EDIL3: variants seen among roughly 807,000 people sequenced by gnomAD.
The protein encoded by EDIL3 is EGF-like repeat and discoidin I-like domain-containing protein 3.
A neutral mutation model predicts 67.4 loss-of-function variants in EDIL3; 37 were observed. That is an observed-to-expected ratio of 0.55 (90% CI 0.42 to 0.72). The LOEUF (loss-of-function observed/expected upper bound fraction) is 0.72, where lower values mean the gene tolerates loss of function less well. EDIL3 is among the 30% of genes least tolerant of loss of function. The pLI, the probability that EDIL3 is intolerant of heterozygous loss-of-function variation, is 0.00. For synonymous variants in EDIL3, 195 were observed against 196.3 expected, an observed-to-expected ratio of 0.99 and a Z score of 0.05; for missense variants, 527 against 586.3, an observed-to-expected ratio of 0.90 and a Z score of 1.04.
At chr5:83,977,714 TTTATA>T (rs1561391457) in intron 9 of EDIL3, among the ~76,000 whole-genome samples, 1 of 151,824 alleles carries the variant, frequency 6.6e-6, no homozygotes, top group Non-Finnish European at 1.5e-5. Context: ...CATAAAGATG[TTTATA>T]TTAAATTTTT....
chr5:83,946,464 C>T (rs935215122), intron 10 of EDIL3, among the ~76,000 whole-genome samples: 2 of 151,780 alleles, frequency 1.3e-5, no homozygotes, highest in African/African-American at 4.8e-5. Context: ...AAAAATACAA[C>T]TCCCTCAATG....
intron 9 of EDIL3, among the ~76,000 whole-genome samples, chr5:84,019,634 G>C (rs752475873): frequency 2.6e-5 from 4 of 152,218 alleles, no homozygotes; most frequent in African/African-American, 2.4e-5. Context: ...CTTTCAGCCT[G>C]AGGCTGCTCA....
chr5:84,352,088 A>C, intron 1 of EDIL3, among the ~76,000 whole-genome samples: 1 of 152,192 alleles, frequency 6.6e-6, no homozygotes, highest in African/African-American at 2.4e-5. Flanking sequence ...ATAATGATAT[A>C]ACATCTCACA....
chr5:84,100,144 C>T (rs1263041960), intron 6 of EDIL3, among the ~76,000 whole-genome samples: 2 of 152,098 alleles, frequency 1.3e-5, no homozygotes, highest in African/African-American at 2.4e-5. Context: ...TAAATTAGTT[C>T]AACCATTGTG....
chr5:84,050,622 G>A (rs1746317450), intron 9 of EDIL3, among the ~76,000 whole-genome samples: 1 of 152,304 alleles, frequency 6.6e-6, no homozygotes, highest in Non-Finnish European at 1.5e-5. Flanking sequence ...CCCTAATATT[G>A]TGCTTTTCCA....
chr5:83,979,363 G>A (rs2112146819), intron 9 of EDIL3, among the ~76,000 whole-genome samples: 1 of 152,186 alleles, frequency 6.6e-6, no homozygotes, highest in South Asian at 2.1e-4. Context: ...ATAATATTTA[G>A]TGACATTGAA....
intron 9 of EDIL3, among the ~76,000 whole-genome samples, chr5:83,966,622 C>T (rs1044515212): frequency 6.6e-6 from 1 of 152,020 alleles, no homozygotes; most frequent in Non-Finnish European, 1.5e-5. Context: ...GGATCTTGGA[C>T]ATGCTACTTT....
chr5:84,032,711 C>T (rs916170777), intron 9 of EDIL3, among the ~76,000 whole-genome samples: 22 of 152,244 alleles, frequency 1.4e-4, no homozygotes, highest in South Asian at 6.2e-4. Flanking sequence ...TGACCTTTGG[C>T]CACTGCTACT....
intron 6 of EDIL3, among the ~76,000 whole-genome samples, chr5:84,103,081 C>G (rs1747397225): frequency 6.6e-6 from 1 of 152,112 alleles, no homozygotes; most frequent in African/African-American, 2.4e-5. Context: ...CTACAACCAT[C>G]TGATCCTCCA....
At chr5:84,031,562 TGGTATCCATGCAA>T (rs1272160853) in intron 9 of EDIL3, among the ~76,000 whole-genome samples, 1 of 152,202 alleles carries the variant, frequency 6.6e-6, no homozygotes, top group African/African-American at 2.4e-5. Context: ...TGAATGGAAC[TGGTATCCATGCAA>T]GAAGAGACAC....
In EDIL3 at chr5:84,328,649, C is replaced by CA. The variant is rs553786626; in HGVS notation, c.67+55658dup. Among the ~76,000 whole-genome samples the CA allele has an allele frequency of 5.7e-3, 868 of 151,968 alleles. 5 individuals carry two copies. Among genetic ancestry groups the CA allele is most frequent in the Non-Finnish European group, 8.7e-3 (590 of 67,898 alleles). ...TCTTTACCATGCCTCTGCTTCAATG[C>CA]AAAAAATGGCAAATTTCTTCAGTTC... is the stretch of plus-strand genomic sequence containing the variant. On this transcript the variant is annotated intron_variant, in intron 1 of 10. Transcript: ENST00000296591.
intron 9 of EDIL3, among the ~76,000 whole-genome samples, chr5:84,047,434 T>G (rs2112220381): frequency 6.6e-6 from 1 of 152,212 alleles, no homozygotes; most frequent in African/African-American, 2.4e-5. Context: ...ATATTTTGAG[T>G]ATTAAGTAGA....
chr5:83,969,295 A>G (rs1326824367), intron 9 of EDIL3, among the ~76,000 whole-genome samples: 1 of 151,812 alleles, frequency 6.6e-6, no homozygotes, highest in East Asian at 1.9e-4. Flanking sequence ...TTCCCACACA[A>G]TCATAGTCCT....
intron 9 of EDIL3, among the ~76,000 whole-genome samples, chr5:84,012,781 G>C (rs1374587823): frequency 1.3e-5 from 2 of 152,128 alleles, no homozygotes; most frequent in Non-Finnish European, 2.9e-5. Flanking sequence ...TATTGAAAGA[G>C]ATGATAAAGG....
At chr5:84,114,715 G>T (rs761245770) in intron 5 of EDIL3, among the ~76,000 whole-genome samples, 1 of 152,110 alleles carries the variant, frequency 6.6e-6, no homozygotes, top group Non-Finnish European at 1.5e-5. Context: ...TAAAGAAAAG[G>T]CTGTTTCTTC....
intron 9 of EDIL3, among the ~76,000 whole-genome samples, chr5:84,018,266 C>T (rs1745644712): frequency 6.6e-6 from 1 of 152,156 alleles, no homozygotes; most frequent in Non-Finnish European, 1.5e-5. Flanking sequence ...TGATACTTCT[C>T]TGCAACTTTT....
chr5:84,333,912 C>A (rs1453259146), intron 1 of EDIL3, among the ~76,000 whole-genome samples: 2 of 152,194 alleles, frequency 1.3e-5, no homozygotes, highest in African/African-American at 4.8e-5. Context: ...GGAAGTAGAG[C>A]AAGGGCCATG....
chr5:84,233,992 T>C (rs1744632307), intron 2 of EDIL3, among the ~76,000 whole-genome samples: 1 of 152,214 alleles, frequency 6.6e-6, no homozygotes, highest in African/African-American at 2.4e-5. Context: ...TTTGGACTTC[T>C]AGTTCTAGGG....
intron 9 of EDIL3, among the ~76,000 whole-genome samples, chr5:84,005,612 T>A (rs764526139): frequency 2.0e-5 from 3 of 151,972 alleles, no homozygotes; most frequent in Non-Finnish European, 4.4e-5. Context: ...AAGGGTTTGA[T>A]AAAATTCAGC....
Sources: allele counts gnomAD v4.1 joint callset (sites outside exome capture counted in the v4.1 genomes callset), GRCh38; gene constraint gnomAD v4.1.1; transcripts MANE v1.5; gene names NCBI Gene and HGNC (gene_info 2026-07-23, HGNC 2026-07-21).